The following TLE6 variants were observed in gnomAD, a reference collection of about 807,000 sequenced individuals.
TLE6 encodes the protein TLE family member 6, subcortical maternal complex member.
TLE6 carries 72 observed loss-of-function variants against 77.1 expected under a neutral mutation model. That is an observed-to-expected ratio of 0.93 (90% CI 0.77 to 1.14). The LOEUF (loss-of-function observed/expected upper bound fraction) is 1.14, where lower values mean the gene tolerates loss of function less well. Among genes scored for constraint, TLE6 ranks in the 50% most tolerant of loss-of-function variants. The pLI is 0.00. For synonymous variants in TLE6, 366 were observed against 287.3 expected (o/e 1.27, Z -2.77); for missense variants, 843 against 747.6 (o/e 1.13, Z -1.49).
At position 2,995,006 on chromosome 19, in the gene TLE6, G is replaced by A. The variant is rs779580690; in HGVS notation, c.*2G>A. ...TCCGTGTACCAGATCACCTACTGAG[G>A]GGCCTCGCTGCTGTCATCCCACTCC... is the stretch of plus-strand genomic sequence containing the variant. On this transcript the variant is annotated 3_prime_UTR_variant, in exon 17 of 17. Transcript: ENST00000246112. 8.8e-6 allele frequency: 14 copies of A among 1,592,230 alleles called. No individual in the cohort carries two copies. In the Admixed American group the frequency reaches 1.2e-4, roughly 14 times the overall value.
rs1257850436 is a variant in TLE6, at chr19:2,978,302, TGGGATCA to T, written c.51+20_51+26del. The T allele has an allele frequency of 6.4e-7, 1 of 1,550,944 alleles. No individual in the cohort carries two copies. The highest frequency in any genetic ancestry group is 1.4e-5 in the African/African-American group (1 of 73,008). On this transcript the variant is annotated intron_variant, in intron 2 of 16. Coordinates refer to ENST00000246112, the MANE Select transcript of TLE6 (RefSeq NM_001143986.2). ...GCACTTCGGTGAGGAGGGCATGTGG[TGGGATCA>T]GCCCTCAAGGGAAACCCGGGCCCAA...
At chr19:2,981,364 G>A (rs199878303) in intron 3 of TLE6, among the ~76,000 whole-genome samples, 174 bp from the exon 4 acceptor site, 18 of 137,206 alleles carry the variant, frequency 1.3e-4, no homozygotes, top group Admixed American at 1.1e-3. Flanking sequence ...AAAAAAAAAA[G>A]AATATACTGC....
intron 13 of TLE6, among the ~76,000 whole-genome samples, chr19:2,990,901 T>A (rs1377209407): frequency 6.6e-6 from 1 of 151,008 alleles, no homozygotes; most frequent in Non-Finnish European, 1.5e-5. Context: ...CCCCGGAGGC[T>A]GAGGCAGGAG....
chr19:2,978,100 C>G (rs753842028), intron 1 of TLE6, 98 bp from the exon 2 acceptor site: 9 of 871,946 alleles, frequency 1.0e-5, no homozygotes, highest in African/African-American at 1.7e-5. Flanking sequence ...TGGAGACTTA[C>G]CAAACTGGGA....
chr19:2,995,019 G>A lies in TLE6; in HGVS notation c.*15G>A, dbSNP rs937337720. ...TCACCTACTGAGGGGCCTCGCTGCT[G>A]TCATCCCACTCCGGCTCCTCTTTTC... is the stretch of plus-strand genomic sequence containing the variant. On this transcript the variant is annotated 3_prime_UTR_variant, in exon 17 of 17. Coordinates refer to ENST00000246112, the MANE Select transcript of TLE6 (RefSeq NM_001143986.2). The A allele has an allele frequency of 6.5e-6, 10 of 1,531,686 alleles. No individual in the cohort carries two copies. The highest frequency in any genetic ancestry group is 8.9e-6 in the Non-Finnish European group (10 of 1,121,464). The allele number at this position is 1,531,686 out of a possible 1,614,324, so 94.9% of individuals were successfully genotyped here.
chr19:2,987,334 C>G, intron 7 of TLE6, 22 bp from the exon 8 acceptor site: 1 of 1,614,210 alleles, frequency 6.2e-7, no homozygotes, highest in African/African-American at 1.3e-5. Context: ...CCCCCTCCTC[C>G]TCTCCGTTGT....
rs1238828461 is a variant in TLE6, at chr19:2,993,417, C to G, written c.1387-15C>G. The G allele has an allele frequency of 6.3e-7, 1 of 1,592,606 alleles. No homozygotes were observed. Among genetic ancestry groups the G allele is most frequent in the East Asian group, 2.3e-5 (1 of 43,678 alleles). ...ACCTAACCAGGTTCCTCCCTCCCCA[C>G]TGCCCATTACCTAGATAATGAGCCT... On this transcript the variant is annotated splice_polypyrimidine_tract_variant and intron_variant, in intron 14 of 16. Coordinates refer to ENST00000246112, the MANE Select transcript of TLE6 (RefSeq NM_001143986.2).
chr19:2,981,024 C>A (rs4807381), intron 3 of TLE6, among the ~76,000 whole-genome samples: 1 of 151,078 alleles, frequency 6.6e-6, no homozygotes, highest in African/African-American at 2.4e-5. Flanking sequence ...GCACCCTAGC[C>A]CGGGCAACAG....
rs1006393922 is a variant in TLE6, at chr19:2,987,864, G to A, written c.626-34G>A. 6 of 1,613,138 alleles carry A rather than the reference G, an allele frequency of 3.7e-6. No homozygotes were observed. The Admixed American group carries it at 5.0e-5, about 13-fold the overall frequency. Reference sequence around the variant, plus strand: ...GGGCATCCTGTGCTGAGGAGCCAATGCAAGCCGCTTAGCCCCTCTTGTCTC... The same window carrying A: ...GGGCATCCTGTGCTGAGGAGCCAATACAAGCCGCTTAGCCCCTCTTGTCTC... On this transcript the variant is annotated intron_variant, in intron 9 of 16. Coordinates refer to ENST00000246112, the MANE Select transcript of TLE6 (RefSeq NM_001143986.2).
Position 2,994,894 on chromosome 19 carries a change from CT to C in TLE6, c.1615-5del, listed in dbSNP as rs565033424. 370 of 1,583,828 alleles carry C rather than the reference CT, an allele frequency of 2.3e-4. 6 individuals are homozygous for C. In the South Asian group the frequency reaches 4.0e-3, roughly 17 times the overall value. ...CCCAGCTCACTGCCCACTGCCCCCC[CT>C]CCAGGTGCCTGAGATGTCTCCAGTC... On this transcript the variant is annotated splice_region_variant and splice_polypyrimidine_tract_variant and intron_variant, in intron 16 of 16. Transcript: ENST00000246112.
rs189020544 is a variant in TLE6 at position 2,986,833 on chromosome 19, G to C, written c.227G>C (p.Gly76Ala). 1.8e-4 allele frequency: 273 copies of C among 1,551,688 alleles called. 2 individuals carry two copies. The highest frequency in any genetic ancestry group is 2.6e-6 in the Non-Finnish European group (3 of 1,146,978). Residue 76 changes from glycine to alanine, a missense_variant, in exon 6 of 17, where the codon GGA becomes GCA. By Grantham distance (60) the Gly-to-Ala change is moderately conservative (BLOSUM62 0). Transcript: ENST00000246112. The part of the protein sequence containing the change: ...QDVAEHHKQI[G>A]NVLQIVESCS... The stretch of plus-strand genomic sequence containing the variant: ...TTGCTGCCAACCTCCTTCTAGATAG[G>C]AAACGTCTTACAGATTGTGGAGAGC...
Position 2,986,882 on chromosome 19 carries a change from G to A in TLE6, c.276G>A (p.Gln92=), listed in dbSNP as rs2088923148. The change falls in exon 6 of 17, where the codon CAG becomes CAA. Residue 92 remains glutamine, a synonymous_variant. Coordinates refer to ENST00000246112, the MANE Select transcript of TLE6 (RefSeq NM_001143986.2). The part of the protein sequence containing the change: ...VESCSQLQGF[Q]SEEVSPAEPA... ...GCTGCAGCCAACTCCAGGGTTTCCAGTCTGAGGAGGTGAGTTTCTGGGTCT... is the reference window on the plus strand; with the variant it reads ...GCTGCAGCCAACTCCAGGGTTTCCAATCTGAGGAGGTGAGTTTCTGGGTCT... The A allele has an allele frequency of 6.4e-6, 10 of 1,551,816 alleles. No homozygotes were observed. The highest frequency in any genetic ancestry group is 7.8e-6 in the Non-Finnish European group (9 of 1,147,020).
intron 14 of TLE6, 101 bp from the exon 15 acceptor site, chr19:2,993,331 C>A: frequency 4.7e-6 from 6 of 1,281,224 alleles, no homozygotes; most frequent in African/African-American, 1.5e-5. Context: ...AGGAAGGGGT[C>A]AGTCACCCGG....
Position 2,994,098 on chromosome 19 carries a change from A to T in TLE6, c.1614+3A>T. The T allele has an allele frequency of 6.5e-7, 1 of 1,538,302 alleles. No homozygotes were observed. Among genetic ancestry groups the T allele is most frequent in the Non-Finnish European group, 8.8e-7 (1 of 1,142,846 alleles). ...CGGCGGGGACAAAAGTGTTCGAGGT[A>T]CTGCGGTGGGCTGGGGGCAGGACCC... On this transcript the variant is annotated splice_donor_region_variant and intron_variant, in intron 16 of 16. Transcript: ENST00000246112.
chr19:2,994,426 C>T (rs1019170705), intron 16 of TLE6, among the ~76,000 whole-genome samples: 13 of 152,114 alleles, frequency 8.5e-5, no homozygotes, highest in East Asian at 1.9e-4. Flanking sequence ...CTGGCTAACA[C>T]GGTGAATCCC....
At chr19:2,992,789 A>G (rs1214451499) in intron 14 of TLE6, among the ~76,000 whole-genome samples, 1 of 14,734 alleles carries the variant, frequency 6.8e-5, no homozygotes, top group East Asian at 8.0e-4. Context: ...CAAAAAAAAA[A>G]AAAAGGGGGG....
intron 11 of TLE6, 126 bp from the exon 12 acceptor site, chr19:2,988,935 A>T: frequency 7.2e-7 from 1 of 1,387,582 alleles, no homozygotes; most frequent in Non-Finnish European, 9.8e-7. Flanking sequence ...TCTAGAGGGT[A>T]AAACAAGGCC....
rs566861192 is a variant in TLE6, at chr19:2,995,064, C to T, written c.*60C>T. 45 of 1,023,248 alleles carry T rather than the reference C, an allele frequency of 4.4e-5. No individual in the cohort carries two copies. Among genetic ancestry groups the T allele is most frequent in the Middle Eastern group, 3.1e-4 (1 of 3,264 alleles). 63.4% of individuals were successfully genotyped at this position (1,023,248 alleles called of 1,614,324 possible). ...CTTTTCATCCCCCCCCTTCCCCCCC[C>T]CCAACAAGGGGGACATGGTGGAGGG... On this transcript the variant is annotated 3_prime_UTR_variant, in exon 17 of 17. Coordinates refer to ENST00000246112, the MANE Select transcript of TLE6 (RefSeq NM_001143986.2).
chr19:2,986,630 C>A (rs990872665), intron 5 of TLE6, among the ~76,000 whole-genome samples, 199 bp from the exon 6 acceptor site: 23 of 152,210 alleles, frequency 1.5e-4, no homozygotes, highest in African/African-American at 5.5e-4. Context: ...AGGAGAACCA[C>A]TTGAACCTGG....
Sources: gnomAD v4.1 joint callset for allele counts (sites outside exome capture counted in the v4.1 genomes callset) on GRCh38, gnomAD v4.1.1 for gene constraint, MANE v1.5 for transcripts, NCBI Gene and HGNC (gene_info 2026-07-23, HGNC 2026-07-21) for gene names.